The following ROBO1 variants were observed in gnomAD, a reference collection of about 807,000 sequenced individuals.
ROBO1 encodes the protein roundabout guidance receptor 1, also known as roundabout homolog 1.
ROBO1 carries 149 observed loss-of-function variants against 195.9 expected under a neutral mutation model. The ratio of observed to expected loss-of-function variants is 0.76; its 90% CI spans 0.67 to 0.87. The LOEUF is 0.87. Among genes scored for constraint, ROBO1 ranks in the 40% least tolerant of loss-of-function variants. The pLI, the probability that ROBO1 is intolerant of heterozygous loss-of-function variation, is 0.00. For synonymous variants in ROBO1, 816 were observed against 733.2 expected, an observed-to-expected ratio of 1.11 and a Z score of -1.82; for missense variants, 1,933 against 2,068.3, an observed-to-expected ratio of 0.93 and a Z score of 1.27.
At chr3:78,605,830 A>G (rs1703431066) in intron 29 of ROBO1, among the ~76,000 whole-genome samples, 1 of 152,194 alleles carries the variant, frequency 6.6e-6, no homozygotes. Context: ...CAACCTATGA[A>G]TAACTTTTTT....
intron 2 of ROBO1, among the ~76,000 whole-genome samples, chr3:79,468,127 T>C (rs1358667344): frequency 1.3e-5 from 2 of 152,166 alleles, no homozygotes; most frequent in South Asian, 4.1e-4. Context: ...AAAACAAATA[T>C]ATAATGAAAC....
At chr3:78,929,303 C>T (rs2039380930) in intron 4 of ROBO1, among the ~76,000 whole-genome samples, 1 of 151,982 alleles carries the variant, frequency 6.6e-6, no homozygotes, top group Admixed American at 6.6e-5. Context: ...CCAGATGCAC[C>T]TTTCCATTTT....
intron 3 of ROBO1, among the ~76,000 whole-genome samples, chr3:79,021,314 G>A (rs1443522148): frequency 1.3e-5 from 2 of 152,110 alleles, no homozygotes; most frequent in Non-Finnish European, 2.9e-5. Context: ...AGCTTACCTA[G>A]TAATAGAAAA....
intron 4 of ROBO1, among the ~76,000 whole-genome samples, chr3:78,833,808 G>A (rs2032450284): frequency 6.6e-6 from 1 of 152,132 alleles, no homozygotes; most frequent in Non-Finnish European, 1.5e-5. Flanking sequence ...AAAGAACTGA[G>A]GGGTGAGGGA....
At chr3:79,344,018 T>C (rs1196634479) in intron 2 of ROBO1, among the ~76,000 whole-genome samples, 2 of 152,108 alleles carry the variant, frequency 1.3e-5, no homozygotes, top group South Asian at 4.1e-4. Flanking sequence ...GCCCAGGAAC[T>C]GGAATTTGGC....
intron 2 of ROBO1, among the ~76,000 whole-genome samples, chr3:79,393,154 A>T (rs1208110240): frequency 2.0e-5 from 3 of 152,200 alleles, no homozygotes; most frequent in African/African-American, 7.2e-5. Flanking sequence ...TCATAGGTAG[A>T]ACTAATAAGC....
At chr3:79,453,100 G>C (rs1176761122) in intron 2 of ROBO1, among the ~76,000 whole-genome samples, 1 of 151,862 alleles carries the variant, frequency 6.6e-6, no homozygotes, top group East Asian at 1.9e-4. Context: ...ATCTTAAGTA[G>C]CCAAATCTAG....
intron 8 of ROBO1, among the ~76,000 whole-genome samples, chr3:78,704,695 A>G (rs1003520032): frequency 1.3e-5 from 2 of 151,350 alleles, no homozygotes; most frequent in Non-Finnish European, 2.9e-5. Flanking sequence ...AAAGAAAAGA[A>G]ATTAGGCAGG....
intron 2 of ROBO1, among the ~76,000 whole-genome samples, chr3:79,494,009 G>C (rs1260237571): frequency 6.6e-6 from 1 of 152,014 alleles, no homozygotes; most frequent in Non-Finnish European, 1.5e-5. Flanking sequence ...AAAATTCCTA[G>C]TTCTGTTTAC....
At chr3:79,746,073 A>G (rs1450337459) in intron 1 of ROBO1, among the ~76,000 whole-genome samples, 1 of 152,134 alleles carries the variant, frequency 6.6e-6, no homozygotes, top group Admixed American at 6.5e-5. Context: ...GGCAATCATG[A>G]TATAATGTTT....
chr3:78,991,942 A>T (rs1186354086), intron 3 of ROBO1, among the ~76,000 whole-genome samples: 1 of 152,208 alleles, frequency 6.6e-6, no homozygotes, highest in Non-Finnish European at 1.5e-5. Context: ...TATCTACAAA[A>T]AAAAACCAAA....
chr3:78,795,977 T>TA (rs1477573305), intron 4 of ROBO1, among the ~76,000 whole-genome samples: 2 of 107,868 alleles, frequency 1.9e-5, no homozygotes, highest in African/African-American at 7.4e-5. Flanking sequence ...ATTCTTGAGA[T>TA]AGACTTTAAC....
chr3:79,677,481 T>C (rs1946819080), intron 1 of ROBO1, among the ~76,000 whole-genome samples: 1 of 151,984 alleles, frequency 6.6e-6, no homozygotes, highest in African/African-American at 2.4e-5. Flanking sequence ...GCAGGCAAAC[T>C]CCTGTTTTTA....
chr3:78,834,969 T>C (rs534183329), intron 4 of ROBO1, among the ~76,000 whole-genome samples: 1 of 152,326 alleles, frequency 6.6e-6, no homozygotes, highest in Admixed American at 6.5e-5. Flanking sequence ...AGAGTCCAAC[T>C]TGAGTCCACA....
chr3:79,158,310 A>G, intron 2 of ROBO1, among the ~76,000 whole-genome samples: 1 of 150,882 alleles, frequency 6.6e-6, no homozygotes, highest in East Asian at 1.9e-4. Context: ...TAATGATAAA[A>G]TATATCATAT....
At chr3:79,334,992 C>T (rs564340325) in intron 2 of ROBO1, among the ~76,000 whole-genome samples, 13 of 152,102 alleles carry the variant, frequency 8.5e-5, no homozygotes, top group East Asian at 1.9e-4. Context: ...TGGTGCATGC[C>T]GGTAATCTCA....
At chr3:79,383,508 T>C (rs1440939449) in intron 2 of ROBO1, among the ~76,000 whole-genome samples, 1 of 152,028 alleles carries the variant, frequency 6.6e-6, no homozygotes, top group African/African-American at 2.4e-5. Flanking sequence ...AATTTGAGGA[T>C]GGTATGTTAC....
intron 5 of ROBO1, among the ~76,000 whole-genome samples, chr3:78,746,461 C>A (rs530937303): frequency 6.6e-6 from 1 of 152,052 alleles, no homozygotes; most frequent in South Asian, 2.1e-4. Context: ...CCCTGAGTTA[C>A]GACAATAATT....
At chr3:79,718,574 C>A (rs907578358) in intron 1 of ROBO1, among the ~76,000 whole-genome samples, 3 of 151,648 alleles carry the variant, frequency 2.0e-5, no homozygotes, top group Admixed American at 6.6e-5. Flanking sequence ...AAATGATAAA[C>A]CATAGTGTAA....
Sources: gnomAD v4.1 joint callset for allele counts (sites outside exome capture counted in the v4.1 genomes callset) on GRCh38, gnomAD v4.1.1 for gene constraint, MANE v1.5 for transcripts, NCBI Gene and HGNC (gene_info 2026-07-23, HGNC 2026-07-21) for gene names.